The following MTAP variants were observed in gnomAD, a reference collection of about 807,000 sequenced individuals.
The protein encoded by MTAP is methylthioadenosine phosphorylase, also known as S-methyl-5'-thioadenosine phosphorylase.
In MTAP, 33 loss-of-function variants were observed where a neutral mutation model predicts 33.6. The observed-to-expected ratio is 0.98, with a 90% CI of 0.74 to 1.31. The LOEUF (loss-of-function observed/expected upper bound fraction) is 1.31. MTAP is among the 40% of genes most tolerant of loss of function. The pLI is 0.00. For synonymous variants in MTAP, 148 were observed against 125.7 expected (o/e 1.18, Z -1.19); for missense variants, 367 against 360.0 (o/e 1.02, Z -0.16).
At chr9:21,846,378 A>C (rs1041620225) in intron 5 of MTAP, among the ~76,000 whole-genome samples, 2 of 152,052 alleles carry the variant, frequency 1.3e-5, no homozygotes, top group African/African-American at 4.8e-5. Context: ...ATAGAGGACC[A>C]ATATCCAGAA....
chr9:21,835,040 C>T (rs1476774681), intron 4 of MTAP, among the ~76,000 whole-genome samples: 1 of 152,106 alleles, frequency 6.6e-6, no homozygotes, highest in Non-Finnish European at 1.5e-5. Flanking sequence ...GTCCTGGAGG[C>T]TGGGAAGTCC....
intron 1 of MTAP, among the ~76,000 whole-genome samples, chr9:21,807,962 T>A (rs1254744509): frequency 6.6e-6 from 1 of 152,252 alleles, no homozygotes; most frequent in African/African-American, 2.4e-5. Flanking sequence ...CCTGTGGTTG[T>A]AGTCATGGCA....
chr9:21,892,049 A>G (rs548757797), intron 1 of MTAP: 1 of 152,304 alleles, frequency 6.6e-6, no homozygotes, highest in South Asian at 2.1e-4. Context: ...ACGAGAAATA[A>G]AATCTTTTTC....
chr9:21,813,984 T>C (rs1177368959), intron 1 of MTAP: 1 of 152,250 alleles, frequency 6.6e-6, no homozygotes, highest in Non-Finnish European at 1.5e-5. Context: ...TACTGGTTAC[T>C]CTTTGTTCGT....
At chr9:21,911,789 C>T (rs1818581295) in intron 1 of MTAP, among the ~76,000 whole-genome samples, 1 of 152,010 alleles carries the variant, frequency 6.6e-6, no homozygotes, top group Admixed American at 6.6e-5. Flanking sequence ...GGGAGCAGAA[C>T]TGAAGGAGAT....
At chr9:21,894,935 G>A (rs1029999100) in intron 1 of MTAP, among the ~76,000 whole-genome samples, 2 of 151,916 alleles carry the variant, frequency 1.3e-5, no homozygotes, top group Admixed American at 1.3e-4. Context: ...CAATAGCCAC[G>A]AAAAGAATAA....
intron 1 of MTAP, among the ~76,000 whole-genome samples, chr9:21,875,990 C>G (rs981705525): frequency 6.6e-6 from 1 of 152,192 alleles, no homozygotes; most frequent in East Asian, 1.9e-4. Flanking sequence ...TCCACTCCCA[C>G]CAGTATCAGT....
rs1013373181 is a variant in MTAP, at chr9:21,865,108, G to A, written c.*3094G>A. On this transcript the variant is annotated 3_prime_UTR_variant, in exon 8 of 8. Transcript: ENST00000644715. ...GGCGGTGTCCCCACCCAAATCTCAT[G>A]TTGAATTGTAGTTCCCATAATCCCC... is the stretch of plus-strand genomic sequence containing the variant. 75 of 984,386 alleles carry A rather than the reference G, an allele frequency of 7.6e-5. 1 individual carries two copies. The highest frequency in any genetic ancestry group is 2.5e-5 in the Non-Finnish European group (21 of 829,096). 61.0% of individuals were successfully genotyped at this position (984,386 alleles called of 1,614,324 possible).
At chr9:21,905,633 GT>G (rs11352339) in intron 1 of MTAP, among the ~76,000 whole-genome samples, 21,220 of 152,048 alleles carry the variant, frequency 0.14, 2,110 homozygotes, top group African/African-American at 0.26. Flanking sequence ...GTTCAGGAAA[GT>G]GAAATAATTC....
At chr9:21,928,152 A>T (rs1587303887) in intron 1 of MTAP, among the ~76,000 whole-genome samples, 1 of 152,334 alleles carries the variant, frequency 6.6e-6, no homozygotes, top group Middle Eastern at 3.4e-3. Context: ...AAACCAATGG[A>T]TGGTACATGT....
chr9:21,878,406 G>C (rs528585796), intron 1 of MTAP, among the ~76,000 whole-genome samples: 1 of 151,926 alleles, frequency 6.6e-6, no homozygotes, highest in Non-Finnish European at 1.5e-5. Context: ...CTTTGGGGTT[G>C]GTTTGCTTTT....
chr9:21,905,858 A>C (rs533249517), intron 1 of MTAP, among the ~76,000 whole-genome samples: 1 of 152,350 alleles, frequency 6.6e-6, no homozygotes, highest in East Asian at 1.9e-4. Context: ...AGATCCTAGA[A>C]AATACTGCAA....
At chr9:21,903,882 G>A (rs551983982) in intron 1 of MTAP, among the ~76,000 whole-genome samples, 2 of 152,264 alleles carry the variant, frequency 1.3e-5, no homozygotes, top group East Asian at 1.9e-4. Context: ...GTCTGTAGGC[G>A]GCTTGTGTTA....
chr9:21,846,311 A>G lies in MTAP; in HGVS notation c.450+8301A>G, dbSNP rs531745998. Among the ~76,000 whole-genome samples, 11 of 152,328 alleles carry G rather than the reference A, an allele frequency of 7.2e-5. No homozygotes were observed. In the South Asian group the frequency reaches 2.3e-3, roughly 32 times the overall value. ...AGCACAACAACAAAAAATAATAATCAGTGGAATAAATGACCACCCGCAGAA... is the reference window on the plus strand; with the variant it reads ...AGCACAACAACAAAAAATAATAATCGGTGGAATAAATGACCACCCGCAGAA... On this transcript the variant is annotated intron_variant, in intron 5 of 7. Transcript: ENST00000644715.
chr9:21,931,214 C>A (rs1243413267), downstream of MTAP: 1 of 709,360 alleles, frequency 1.4e-6, no homozygotes, highest in South Asian at 1.5e-5. Flanking sequence ...AGGCCAAGAC[C>A]CACAGAACAA....
chr9:21,901,620 C>T (rs890088193), intron 1 of MTAP, among the ~76,000 whole-genome samples: 1 of 152,058 alleles, frequency 6.6e-6, no homozygotes, highest in African/African-American at 2.4e-5. Flanking sequence ...GGGAGGATAC[C>T]TCAACCTCCT....
At chr9:21,817,270 G>A (rs1043153396) in intron 3 of MTAP, among the ~76,000 whole-genome samples, 6 of 152,094 alleles carry the variant, frequency 3.9e-5, no homozygotes, top group Admixed American at 1.3e-4. Context: ...CAAGATATAT[G>A]TATGAGTTCT....
chr9:21,930,164 C>CT (rs754582754), intron 1 of MTAP: 9 of 368,788 alleles, frequency 2.4e-5, no homozygotes, highest in South Asian at 7.1e-5. Flanking sequence ...TCAAAATTCT[C>CT]TTTTTTTGGG....
At position 21,891,925 on chromosome 9, in the gene MTAP, C is replaced by A. The variant is rs143143873; in HGVS notation, c.147+37055C>A. On this transcript the variant is annotated intron_variant, in intron 1 of 1. Transcript: ENST00000577563. ...GGACCCCCATCAGGCTAACAATGGA[C>A]CTTTCAGCAGAAACACTGTAAGCCA... is the stretch of plus-strand genomic sequence containing the variant. Among the ~76,000 whole-genome samples, 43 of 152,262 alleles carry A rather than the reference C, an allele frequency of 2.8e-4. No individual in the cohort carries two copies. In the East Asian group the frequency reaches 8.1e-3, roughly 29 times the overall value.
Sources: gnomAD v4.1 joint callset for allele counts (sites outside exome capture counted in the v4.1 genomes callset) on GRCh38, gnomAD v4.1.1 for gene constraint, MANE v1.5 for transcripts, NCBI Gene and HGNC (gene_info 2026-07-23, HGNC 2026-07-21) for gene names.